Variants in HCN1 observed in about 807,000 individuals in gnomAD.
HCN1 encodes potassium/sodium hyperpolarization-activated cyclic nucleotide-gated channel 1.
HCN1 carries 13 observed loss-of-function variants against 78.9 expected under a neutral mutation model. The ratio of observed to expected loss-of-function variants is 0.16; its 90% CI spans 0.11 to 0.26. The LOEUF is 0.26. Ranked by LOEUF, HCN1 falls within the 10% of genes least tolerant of loss-of-function variation. The pLI, the probability that HCN1 is intolerant of heterozygous loss-of-function variation, is 1.00. For missense variants in HCN1, 810 were observed against 1,154.3 expected, an observed-to-expected ratio of 0.70 and a Z score of 4.32; for synonymous variants, 552 against 455.5, an observed-to-expected ratio of 1.21 and a Z score of -2.70.
intron 2 of HCN1, among the ~76,000 whole-genome samples, chr5:45,493,939 T>C (rs1286004589): frequency 2.0e-5 from 3 of 152,170 alleles, no homozygotes; most frequent in African/African-American, 7.2e-5. Flanking sequence ...CTCATCATTT[T>C]TTATGGCTGC....
At chr5:45,400,394 C>CTTTTTTT (rs541820226) in intron 3 of HCN1, among the ~76,000 whole-genome samples, 7 of 112,988 alleles carry the variant, frequency 6.2e-5, no homozygotes, top group South Asian at 2.8e-4. Context: ...ATTAAAAATG[C>CTTTTTTT]TTTTTTTTTT....
chr5:45,647,681 T>G (rs1561231376), intron 1 of HCN1, among the ~76,000 whole-genome samples: 2 of 152,086 alleles, frequency 1.3e-5, no homozygotes, highest in Non-Finnish European at 2.9e-5. Flanking sequence ...TATCTCACAC[T>G]CATCTCAAAC....
At chr5:45,376,036 T>G (rs1310039277) in intron 4 of HCN1, among the ~76,000 whole-genome samples, 2 of 114,052 alleles carry the variant, frequency 1.8e-5, no homozygotes, top group South Asian at 2.5e-4. Context: ...TATAATATAA[T>G]ATTTTATAAT....
At chr5:45,356,601 TTACAG>T (rs939151142) in intron 4 of HCN1, among the ~76,000 whole-genome samples, 1 of 152,030 alleles carries the variant, frequency 6.6e-6, no homozygotes, top group African/African-American at 2.4e-5. Flanking sequence ...GTTTTGCCAC[TTACAG>T]TACCCCAAAT....
chr5:45,607,137 A>C (rs1744740497), intron 2 of HCN1, among the ~76,000 whole-genome samples: 1 of 151,914 alleles, frequency 6.6e-6, no homozygotes, highest in Non-Finnish European at 1.5e-5. Context: ...AATAATATAC[A>C]TCATTAAACA....
intron 6 of HCN1, among the ~76,000 whole-genome samples, chr5:45,302,461 A>G (rs1281754879): frequency 6.6e-6 from 1 of 152,088 alleles, no homozygotes; most frequent in African/African-American, 2.4e-5. Context: ...AAAATGGACT[A>G]ATACACAAGA....
chr5:45,357,808 G>A (rs1747031374), intron 4 of HCN1, among the ~76,000 whole-genome samples: 1 of 151,950 alleles, frequency 6.6e-6, no homozygotes, highest in African/African-American at 2.4e-5. Flanking sequence ...TGTTGTAGGT[G>A]GGACCTATTG....
At chr5:45,591,374 G>T (rs756266145) in intron 2 of HCN1, among the ~76,000 whole-genome samples, 15 of 152,056 alleles carry the variant, frequency 9.9e-5, no homozygotes, top group Non-Finnish European at 1.6e-4. Flanking sequence ...GTGCCATTTT[G>T]CATTCCTACC....
At chr5:45,283,222 T>C (rs1377473002) in intron 6 of HCN1, among the ~76,000 whole-genome samples, 3 of 152,076 alleles carry the variant, frequency 2.0e-5, no homozygotes, top group Non-Finnish European at 4.4e-5. Context: ...CTATTCTTGA[T>C]ATAGGAACGG....
chr5:45,288,894 A>C (rs1481862195), intron 6 of HCN1, among the ~76,000 whole-genome samples: 1 of 152,130 alleles, frequency 6.6e-6, no homozygotes, highest in African/African-American at 2.4e-5. Flanking sequence ...CCACATGGGA[A>C]AGGAGCAAGC....
intron 3 of HCN1, among the ~76,000 whole-genome samples, chr5:45,402,328 A>G (rs1739830805): frequency 2.0e-5 from 3 of 152,174 alleles, no homozygotes; most frequent in Non-Finnish European, 4.4e-5. Flanking sequence ...GTTCTTAACT[A>G]AGGATGATTT....
chr5:45,386,854 A>G (rs528058883), intron 4 of HCN1, among the ~76,000 whole-genome samples: 33 of 152,234 alleles, frequency 2.2e-4, no homozygotes, highest in Middle Eastern at 3.5e-3. Context: ...TTTATTATAC[A>G]TGCCAATCTA....
chr5:45,686,817 G>A lies in HCN1; in HGVS notation c.425+8852C>T, dbSNP rs189393263. Among the ~76,000 whole-genome samples the A allele has an allele frequency of 1.4e-3, 209 of 151,966 alleles. 1 individual carries two copies. Among genetic ancestry groups the A allele is most frequent in the Non-Finnish European group, 2.1e-3 (141 of 67,968 alleles). On this transcript the variant is annotated intron_variant, in intron 1 of 7. Transcript: ENST00000303230. ...TTCCTCCAGAACGCTTTGCTTTACC[G>A]CCCCAGTCTGGACTGGTTTCTTTCA... is the stretch of plus-strand genomic sequence containing the variant.
chr5:45,581,191 C>T (rs1744064094), intron 2 of HCN1, among the ~76,000 whole-genome samples: 1 of 152,190 alleles, frequency 6.6e-6, no homozygotes, highest in South Asian at 2.1e-4. Context: ...ACATCATCTC[C>T]AGCACCTGTT....
chr5:45,503,484 T>C (rs549432515), intron 2 of HCN1, among the ~76,000 whole-genome samples: 5 of 152,298 alleles, frequency 3.3e-5, no homozygotes, highest in South Asian at 4.1e-4. Context: ...TCTTTAATTC[T>C]AATTAGAAAA....
At chr5:45,522,561 A>T (rs1307336163) in intron 2 of HCN1, among the ~76,000 whole-genome samples, 1 of 151,494 alleles carries the variant, frequency 6.6e-6, no homozygotes, top group East Asian at 1.9e-4. Context: ...CCCAAAAGAT[A>T]CTCTGACTTA....
chr5:45,511,579 C>T (rs1742415912), intron 2 of HCN1, among the ~76,000 whole-genome samples: 1 of 152,000 alleles, frequency 6.6e-6, no homozygotes, highest in Non-Finnish European at 1.5e-5. Flanking sequence ...ACTTACAACC[C>T]CTTTGTAACA....
At chr5:45,647,651 G>C (rs539183891) in intron 1 of HCN1, among the ~76,000 whole-genome samples, 1 of 151,998 alleles carries the variant, frequency 6.6e-6, no homozygotes, top group Admixed American at 6.6e-5. Flanking sequence ...TCAGTAGCCC[G>C]TTAAATCTCT....
At chr5:45,349,468 A>T (rs1307372030) in intron 5 of HCN1, among the ~76,000 whole-genome samples, 1 of 152,192 alleles carries the variant, frequency 6.6e-6, no homozygotes, top group East Asian at 1.9e-4. Context: ...AAAGAACTAG[A>T]AAAGCAAGAG....
Sources: gnomAD v4.1 joint callset for allele counts (sites outside exome capture counted in the v4.1 genomes callset) on GRCh38, gnomAD v4.1.1 for gene constraint, MANE v1.5 for transcripts, NCBI Gene and HGNC (gene_info 2026-07-23, HGNC 2026-07-21) for gene names.